The following AFF2 variants were observed in gnomAD, a reference collection of about 807,000 sequenced individuals.
The protein encoded by AFF2 is AF4/FMR2 family member 2.
AFF2 carries 14 observed loss-of-function variants against 76.9 expected under a neutral mutation model. That is an observed-to-expected ratio of 0.18 (90% CI 0.12 to 0.28). The LOEUF (loss-of-function observed/expected upper bound fraction) is 0.28. Among genes scored for constraint, AFF2 ranks in the 10% least tolerant of loss-of-function variants. AFF2 has a pLI of 1.00. For missense variants in AFF2, 868 were observed against 1,001.1 expected (o/e 0.87, Z 1.79); for synonymous variants, 398 against 366.7 (o/e 1.09, Z -0.98).
At position 148,955,775 on chromosome X, in the gene AFF2, G is replaced by C. The variant is rs1022373479; in HGVS notation, c.1730G>C (p.Ser577Thr). 1 of 1,211,798 alleles carries C rather than the reference G, an allele frequency of 8.3e-7. No individual in the cohort carries two copies. The highest frequency in any genetic ancestry group is 2.2e-5 in the Admixed American group (1 of 46,049). ...CAGATGAAAGTGAAGACGAATGCCAGTCAGGTCCCAGCTGAACCCAAAGAA... is the reference window on the plus strand; with the variant it reads ...CAGATGAAAGTGAAGACGAATGCCACTCAGGTCCCAGCTGAACCCAAAGAA... The part of the protein sequence containing the change: ...EVQMKVKTNA[S>T]QVPAEPKERP... Residue 577 changes from serine (S) to threonine (T), a missense_variant, in exon 11 of 21, where the codon AGT becomes ACT. Coordinates refer to ENST00000370460, the MANE Select transcript of AFF2 (RefSeq NM_002025.4).
intron 12 of AFF2, among the ~76,000 whole-genome samples, chrX:148,960,071 G>T (rs2072090857): frequency 8.9e-6 from 1 of 112,857 alleles, no homozygotes; most frequent in South Asian, 3.6e-4. Context: ...CAGGGTTGGG[G>T]TCCACCCCCA....
intron 1 of AFF2, among the ~76,000 whole-genome samples, chrX:148,619,504 A>G (rs781828824): frequency 8.9e-6 from 1 of 112,422 alleles, no homozygotes; most frequent in Admixed American, 9.4e-5. Context: ...TAACAAATAG[A>G]TTGAGAAAAA....
chrX:148,912,941 C>T (rs1198570995), intron 9 of AFF2, among the ~76,000 whole-genome samples: 15 of 112,979 alleles, frequency 1.3e-4, no homozygotes, highest in African/African-American at 4.8e-4. Context: ...CTCCCCAAAC[C>T]TCTAGTCAAT....
chrX:148,719,172 T>G (rs2055061770), intron 3 of AFF2: 1 of 1,147,759 alleles, frequency 8.7e-7, no homozygotes, highest in Non-Finnish European at 1.2e-6. Flanking sequence ...CACCCCTCTT[T>G]CTTGATCCAT....
intron 2 of AFF2, among the ~76,000 whole-genome samples, chrX:148,658,475 C>T (rs1258227659): frequency 1.8e-5 from 2 of 112,031 alleles, no homozygotes; most frequent in Admixed American, 9.5e-5. Flanking sequence ...GAAAGCTGCA[C>T]GCCTGGATTG....
rs2072661078 is a variant in AFF2, at chrX:149,000,264, C to CA, written c.*8933dup. 2 of 112,683 alleles carry CA rather than the reference C, an allele frequency of 1.8e-5. No homozygotes were observed. The highest frequency in any genetic ancestry group is 3.7e-5 in the Non-Finnish European group (2 of 53,374). The allele number at this position is 112,683 out of a possible 1,213,427, so 9.3% of individuals were successfully genotyped here. A position where few individuals can be genotyped will look rare whatever the true frequency, so the allele number is the denominator to read the frequency against. ...TGCTCATTGCAGATCCACCAACTGT[C>CA]ACTGTTCTTAACAAGCATGCTCGTC... On this transcript the variant is annotated 3_prime_UTR_variant, in exon 21 of 21. Transcript: ENST00000370460.
At chrX:148,958,280 G>A (rs1004565932) in intron 11 of AFF2, 57 bp from the exon 12 acceptor site, 74 of 1,185,516 alleles carry the variant, frequency 6.2e-5, no homozygotes, top group Non-Finnish European at 7.6e-5. Flanking sequence ...TATAAAATAT[G>A]GATGTCTGAA....
chrX:148,605,969 C>T (rs781964144), intron 1 of AFF2, among the ~76,000 whole-genome samples: 2 of 111,793 alleles, frequency 1.8e-5, no homozygotes, highest in Non-Finnish European at 3.8e-5. Context: ...ATATCTCCCC[C>T]AAATTTAGAC....
At chrX:148,828,877 A>AT (rs1246490395) in intron 4 of AFF2, among the ~76,000 whole-genome samples, 34 of 112,250 alleles carry the variant, frequency 3.0e-4, no homozygotes, top group Admixed American at 3.0e-3. Flanking sequence ...TGATTGCCTG[A>AT]TTGAGTACAC....
rs782301543 is a variant in AFF2 at position 148,646,368 on chromosome X, A to G, written c.48-5631A>G. ...AGAAAAGAAGCAAAGCAGGGGATACAGAAACAAGTTAGGAGGGATGGCTCT... is the reference window on the plus strand; with the variant it reads ...AGAAAAGAAGCAAAGCAGGGGATACGGAAACAAGTTAGGAGGGATGGCTCT... On this transcript the variant is annotated intron_variant, in intron 1 of 20. Transcript: ENST00000370460. Among the ~76,000 whole-genome samples the G allele has an allele frequency of 5.4e-5, 6 of 111,889 alleles. No individual in the cohort carries two copies. The East Asian group carries it at 1.7e-3, about 32-fold the overall frequency.
chrX:148,632,157 CAG>C (rs1557253134), intron 1 of AFF2, among the ~76,000 whole-genome samples: 1 of 111,697 alleles, frequency 9.0e-6, no homozygotes, highest in East Asian at 2.8e-4. Context: ...AATGCTTAAA[CAG>C]AATTTCATTA....
chrX:148,987,313 C>T (rs1234744438), intron 19 of AFF2, 54 bp from the exon 20 acceptor site: 3 of 1,090,744 alleles, frequency 2.8e-6, no homozygotes, highest in African/African-American at 3.7e-5. Flanking sequence ...CCTAGAACCC[C>T]ACTGTCACTC....
At chrX:148,931,253 C>CAAAA (rs782537927) in intron 9 of AFF2, among the ~76,000 whole-genome samples, 2 of 43,747 alleles carry the variant, frequency 4.6e-5, no homozygotes, top group Non-Finnish European at 7.5e-5. Flanking sequence ...GACTCTGTCT[C>CAAAA]AAAAAAAAAA....
intron 9 of AFF2, among the ~76,000 whole-genome samples, chrX:148,945,736 T>C (rs1202041430): frequency 8.9e-6 from 1 of 112,404 alleles, no homozygotes; most frequent in Non-Finnish European, 1.9e-5. Flanking sequence ...TGTGATATAT[T>C]ATCCCCATTT....
At chrX:148,524,119 CTCTCTG>C (rs1231831965) in intron 1 of AFF2, among the ~76,000 whole-genome samples, 1,206 of 78,783 alleles carry the variant, frequency 0.015, 32 homozygotes, top group African/African-American at 0.056. Flanking sequence ...CTCTCTCTCT[CTCTCTG>C]TGTGTGTGTG....
At chrX:148,553,275 C>T (rs5936396) in intron 1 of AFF2, among the ~76,000 whole-genome samples, 29,869 of 110,807 alleles carry the variant, frequency 0.27, 3,032 homozygotes, top group Non-Finnish European at 0.3. Context: ...GCCACATCTA[C>T]AATTTTAAGT....
At chrX:148,600,278 C>T (rs1318045538) in intron 1 of AFF2, among the ~76,000 whole-genome samples, 1 of 111,369 alleles carries the variant, frequency 9.0e-6, no homozygotes, top group African/African-American at 3.3e-5. Context: ...AGGAATTGCT[C>T]ATTGGCCCAA....
At chrX:148,655,795 C>T (rs1361656829) in intron 2 of AFF2, among the ~76,000 whole-genome samples, 1 of 111,250 alleles carries the variant, frequency 9.0e-6, no homozygotes, top group Non-Finnish European at 1.9e-5. Context: ...GGCTTGATAT[C>T]CTTGGAGTAT....
At chrX:148,704,053 A>G (rs1308941479) in intron 3 of AFF2, among the ~76,000 whole-genome samples, 1 of 103,562 alleles carries the variant, frequency 9.7e-6, no homozygotes, top group African/African-American at 3.5e-5. Flanking sequence ...ATGCCACCAC[A>G]CCCTGCTAAT....
Sources: allele counts gnomAD v4.1 joint callset (sites outside exome capture counted in the v4.1 genomes callset), GRCh38; gene constraint gnomAD v4.1.1; transcripts MANE v1.5; gene names NCBI Gene and HGNC (gene_info 2026-07-23, HGNC 2026-07-21).